CACNA1C: variants seen among roughly 807,000 people sequenced by gnomAD.
CACNA1C encodes the protein calcium voltage-gated channel subunit alpha1 C.
A neutral mutation model predicts 229.0 loss-of-function variants in CACNA1C; 30 were observed. The observed-to-expected ratio is 0.13, with a 90% CI of 0.10 to 0.18. The LOEUF (loss-of-function observed/expected upper bound fraction) is 0.18. CACNA1C is among the 10% of genes least tolerant of loss of function. The pLI, the probability that CACNA1C is intolerant of heterozygous loss-of-function variation, is 1.00. For missense variants in CACNA1C, 1,658 were observed against 2,845.0 expected (o/e 0.58, Z 9.49); for synonymous variants, 1,114 against 1,132.5 (o/e 0.98, Z 0.33).
intron 3 of CACNA1C, among the ~76,000 whole-genome samples, chr12:2,248,150 G>T (rs1302481053): frequency 6.6e-6 from 1 of 152,208 alleles, no homozygotes; most frequent in African/African-American, 2.4e-5. Flanking sequence ...AATGTCCATT[G>T]CAAAGTAATT....
chr12:2,372,264 C>T (rs545978110), intron 3 of CACNA1C, among the ~76,000 whole-genome samples: 25 of 152,320 alleles, frequency 1.6e-4, no homozygotes, highest in African/African-American at 5.8e-4. Flanking sequence ...TTTGAGCTTT[C>T]AGCTGATTGG....
chr12:2,314,602 T>G (rs536687849), intron 3 of CACNA1C, among the ~76,000 whole-genome samples: 4 of 152,344 alleles, frequency 2.6e-5, no homozygotes, highest in Admixed American at 2.6e-4. Context: ...AGTCTATATT[T>G]TTGTCTAGAT....
At chr12:2,284,754 T>C (rs2092345934) in intron 3 of CACNA1C, among the ~76,000 whole-genome samples, 1 of 152,206 alleles carries the variant, frequency 6.6e-6, no homozygotes, top group African/African-American at 2.4e-5. Context: ...CTTCTGCCCC[T>C]AAGCTGCAGG....
intron 1 of CACNA1C, among the ~76,000 whole-genome samples, chr12:2,038,387 C>T (rs913122336): frequency 8.9e-4 from 135 of 152,190 alleles, no homozygotes; most frequent in African/African-American, 3.1e-3. Flanking sequence ...CTACTTAATC[C>T]GACTATGTAA....
chr12:2,348,667 A>G lies in CACNA1C; in HGVS notation c.478-100309A>G, dbSNP rs1166313862. Among the ~76,000 whole-genome samples, 1 of 151,854 alleles carries G rather than the reference A, an allele frequency of 6.6e-6. No homozygotes were observed. The highest frequency in any genetic ancestry group is 6.6e-5 in the Admixed American group (1 of 15,238). ...AACTCATGCTTCCGTCTGCTGCCACACTTTAAGATTTCTCCCAGAGGGACC... is the reference window on the plus strand; with the variant it reads ...AACTCATGCTTCCGTCTGCTGCCACGCTTTAAGATTTCTCCCAGAGGGACC... On this transcript the variant is annotated intron_variant, in intron 3 of 46. Transcript: ENST00000399655. The surrounding 1 kb of genome is among the most constrained non-coding windows in gnomAD (Gnocchi z 4.7).
chr12:2,198,189 C>A (rs1279047048), intron 3 of CACNA1C, among the ~76,000 whole-genome samples: 1 of 152,168 alleles, frequency 6.6e-6, no homozygotes, highest in Non-Finnish European at 1.5e-5. Flanking sequence ...CCTCAGGAAG[C>A]AAGGTGCTTG....
At position 2,565,728 on chromosome 12, in the gene CACNA1C, A is replaced by G. The variant is rs932978695; in HGVS notation, c.1509-694A>G. Among the ~76,000 whole-genome samples the G allele has an allele frequency of 5.3e-4, 80 of 152,176 alleles. 1 individual carries two copies. Among genetic ancestry groups the G allele is most frequent in the Admixed American group, 5.2e-3 (80 of 15,282 alleles). On this transcript the variant is annotated intron_variant, in intron 11 of 46. Coordinates refer to ENST00000399655, the MANE Select transcript of CACNA1C (RefSeq NM_000719.7). ...AAGGTGTGTGTGTGGGCATGTGCCC[A>G]TTTTTCTGAAAGGCAGATCTAAACA...
chr12:2,016,436 C>CA (rs1565931125), intron 1 of CACNA1C, among the ~76,000 whole-genome samples: 1 of 148,678 alleles, frequency 6.7e-6, no homozygotes, highest in Admixed American at 6.7e-5. Flanking sequence ...TTTTCTTTTT[C>CA]TTTTTTTTTT....
chr12:1,989,320 A>C (rs1406303975), intron 1 of CACNA1C, among the ~76,000 whole-genome samples: 1 of 151,356 alleles, frequency 6.6e-6, no homozygotes, highest in African/African-American at 2.4e-5. Flanking sequence ...CCTGGGTGAC[A>C]GAGCAAGAAC....
At chr12:2,128,295 T>G (rs2090944876) in intron 3 of CACNA1C, among the ~76,000 whole-genome samples, 1 of 152,212 alleles carries the variant, frequency 6.6e-6, no homozygotes, top group African/African-American at 2.4e-5. Flanking sequence ...GAAAATATTT[T>G]AAAGATTAAA....
chr12:2,650,383 A>C (rs28424201), intron 31 of CACNA1C, among the ~76,000 whole-genome samples: 4,900 of 152,256 alleles, frequency 0.032, 231 homozygotes, highest in African/African-American at 0.11. Context: ...AATTAAAGAT[A>C]AAAGGCAAGG....
In CACNA1C at chr12:2,119,712, A is replaced by G. The variant is rs1170032568; in HGVS notation, c.372-613A>G. Among the ~76,000 whole-genome samples the G allele has an allele frequency of 4.6e-5, 7 of 152,026 alleles. No individual in the cohort carries two copies. The East Asian group carries it at 1.4e-3, about 29-fold the overall frequency. On this transcript the variant is annotated intron_variant, in intron 2 of 46. Coordinates refer to ENST00000399655, the MANE Select transcript of CACNA1C (RefSeq NM_000719.7). ...TGTGAGACTCAGCCTTAAAGAGGAG[A>G]CAGCTTTCCTTCCCTACACTCAGGA... is the stretch of plus-strand genomic sequence containing the variant.
At chr12:2,468,597 C>T (rs2099572869) in intron 5 of CACNA1C, among the ~76,000 whole-genome samples, 1 of 152,230 alleles carries the variant, frequency 6.6e-6, no homozygotes, top group Non-Finnish European at 1.5e-5. Context: ...AATCACATTG[C>T]TTCTGGGCTG....
At chr12:2,199,631 T>C (rs73033311) in intron 3 of CACNA1C, among the ~76,000 whole-genome samples, 6,285 of 151,656 alleles carry the variant, frequency 0.041, 213 homozygotes, top group Non-Finnish European at 0.061. Context: ...TGTAAGGGAG[T>C]CAGCGCCCCC....
chr12:2,247,256 G>A (rs2154381070), intron 3 of CACNA1C, among the ~76,000 whole-genome samples: 3 of 152,258 alleles, frequency 2.0e-5, no homozygotes, highest in Admixed American at 2.0e-4. Flanking sequence ...ATGGAAGTTG[G>A]GAGCACCCTC....
At chr12:2,402,204 T>C (rs1035839409) in intron 3 of CACNA1C, among the ~76,000 whole-genome samples, 1 of 152,268 alleles carries the variant, frequency 6.6e-6, no homozygotes, top group African/African-American at 2.4e-5. Flanking sequence ...GCACCTGACC[T>C]TTTTGACTGT....
intron 30 of CACNA1C, among the ~76,000 whole-genome samples, chr12:2,640,278 G>A (rs906560053): frequency 1.3e-5 from 2 of 152,240 alleles, no homozygotes; most frequent in African/African-American, 2.4e-5. Context: ...CACAGTGCCC[G>A]CTGGCTAAAT....
chr12:2,010,132 C>CA (rs1035007762), intron 1 of CACNA1C, among the ~76,000 whole-genome samples: 3 of 152,028 alleles, frequency 2.0e-5, no homozygotes, highest in African/African-American at 4.8e-5. Flanking sequence ...GTGTTCAAAT[C>CA]AAAAAAATTC....
At chr12:2,094,335 CGTTTGTTGAGACTCAGCGGAGCACCCCCA>C (rs1670187768) in intron 1 of CACNA1C, among the ~76,000 whole-genome samples, 2 of 152,066 alleles carry the variant, frequency 1.3e-5, no homozygotes, top group South Asian at 4.1e-4. Context: ...CCATTAGCCA[CGTTTGTTGAGACTCAGCGGAGCACCCCCA>C]GTAAGTGGCT....
Sources: allele counts gnomAD v4.1 joint callset (sites outside exome capture counted in the v4.1 genomes callset), GRCh38; gene constraint gnomAD v4.1.1; non-coding constraint Gnocchi (gnomAD v3.1); transcripts MANE v1.5; gene names NCBI Gene and HGNC (gene_info 2026-07-23, HGNC 2026-07-21).